CLYBL: variants seen among roughly 807,000 people sequenced by gnomAD.
CLYBL encodes citramalyl-CoA lyase, also known as citramalyl-CoA lyase, mitochondrial.
Under a neutral mutation model 38.9 loss-of-function variants are expected in CLYBL, and 31 were observed. The ratio of observed to expected loss-of-function variants is 0.80; its 90% CI spans 0.60 to 1.08. CLYBL has a LOEUF of 1.08. Ranked by LOEUF, CLYBL falls within the 50% of genes least tolerant of loss-of-function variation. The pLI is 0.00. For synonymous variants in CLYBL, 171 were observed against 158.6 expected (o/e 1.08, Z -0.59); for missense variants, 434 against 411.6 (o/e 1.05, Z -0.47).
At chr13:99,634,778 G>A (rs937878816) in intron 1 of CLYBL, among the ~76,000 whole-genome samples, 3 of 152,130 alleles carry the variant, frequency 2.0e-5, no homozygotes, top group Non-Finnish European at 2.9e-5. Context: ...GACAGAAATC[G>A]AGACATTGTA....
At chr13:99,703,258 C>A (rs1410571724) in intron 1 of CLYBL, among the ~76,000 whole-genome samples, 4 of 152,196 alleles carry the variant, frequency 2.6e-5, no homozygotes, top group African/African-American at 9.7e-5. Context: ...TCTCCATTGT[C>A]CCTTTTTAAA....
intron 1 of CLYBL, among the ~76,000 whole-genome samples, chr13:99,728,275 CTTTTCTTT>C (rs151133311): frequency 0.14 from 19,367 of 142,422 alleles, 1,659 homozygotes; most frequent in East Asian, 0.43. Context: ...TGTTTCTTTT[CTTTTCTTT>C]TTTTTTTTTT....
chr13:99,730,481 C>G (rs1160787887), intron 1 of CLYBL, among the ~76,000 whole-genome samples: 1 of 152,204 alleles, frequency 6.6e-6, no homozygotes, highest in Non-Finnish European at 1.5e-5. Context: ...CAGCTCCTGG[C>G]AGCACTTTCC....
intron 1 of CLYBL, among the ~76,000 whole-genome samples, chr13:99,723,435 T>C (rs1015492651): frequency 6.6e-6 from 1 of 152,238 alleles, no homozygotes; most frequent in African/African-American, 2.4e-5. Context: ...ATATTAAATG[T>C]TTACAAACAG....
intron 2 of CLYBL, among the ~76,000 whole-genome samples, chr13:99,824,257 G>GCCTCCCCCCCCCCCCC (rs2050646417): frequency 1.5e-5 from 2 of 130,414 alleles, no homozygotes; most frequent in Admixed American, 8.3e-5. Context: ...CTGACTAATA[G>GCCTCCCCCCCCCCCCC]CCCCCCCCAC....
chr13:99,800,574 C>T (rs1309728739), intron 2 of CLYBL, among the ~76,000 whole-genome samples: 1 of 152,174 alleles, frequency 6.6e-6, no homozygotes, highest in East Asian at 1.9e-4. Context: ...TCCCTTTTGG[C>T]TTAAGACATA....
chr13:99,908,830 C>T (rs1015751227), exon 10 of CLYBL, among the ~76,000 whole-genome samples: 6 of 152,162 alleles, frequency 3.9e-5, no homozygotes, highest in African/African-American at 1.4e-4. Context: ...GCCCCTAATA[C>T]ATTTTCACTG....
downstream of CLYBL, chr13:99,896,173 GCGGGCCGCC>G (rs2052575974): frequency 6.6e-6 from 1 of 151,604 alleles, no homozygotes; most frequent in Non-Finnish European, 1.5e-5. Context: ...CCCGCCCGCC[GCGGGCCGCC>G]CGGAGCCCGC....
At chr13:99,694,902 T>C (rs1364210323) in intron 1 of CLYBL, among the ~76,000 whole-genome samples, 1 of 152,118 alleles carries the variant, frequency 6.6e-6, no homozygotes, top group African/African-American at 2.4e-5. Context: ...CTTTTGAAAG[T>C]TGGGGGAAAG....
At chr13:99,672,007 C>CA (rs917788872) in intron 1 of CLYBL, among the ~76,000 whole-genome samples, 1 of 152,114 alleles carries the variant, frequency 6.6e-6, no homozygotes, top group Non-Finnish European at 1.5e-5. Context: ...GCAGGCACTA[C>CA]AGGCCTTCTG....
At chr13:99,745,391 G>A (rs2048830835) in intron 1 of CLYBL, among the ~76,000 whole-genome samples, 1 of 152,154 alleles carries the variant, frequency 6.6e-6, no homozygotes, top group African/African-American at 2.4e-5. Context: ...TTGGCAGGGA[G>A]CTGAAAATAA....
chr13:99,812,415 TAC>T (rs2050360781), intron 2 of CLYBL, among the ~76,000 whole-genome samples: 1 of 152,150 alleles, frequency 6.6e-6, no homozygotes. Flanking sequence ...GTAGTCTGAG[TAC>T]AGTTTCCAAT....
chr13:99,733,441 G>GAACTT (rs1264576174), intron 1 of CLYBL, among the ~76,000 whole-genome samples: 4 of 152,188 alleles, frequency 2.6e-5, no homozygotes, highest in African/African-American at 9.7e-5. Context: ...ATTATTGCCT[G>GAACTT]AACTTCCTTT....
intron 1 of CLYBL, among the ~76,000 whole-genome samples, chr13:99,759,891 A>G (rs1445619417): frequency 1.3e-5 from 2 of 152,330 alleles, no homozygotes; most frequent in African/African-American, 4.8e-5. Context: ...CAGCAATTTC[A>G]TATAGTTCAG....
intron 7 of CLYBL, among the ~76,000 whole-genome samples, chr13:99,881,056 T>C (rs927595): frequency 0.99 from 151,502 of 152,308 alleles, 75,355 homozygotes; most frequent in East Asian, 1. Context: ...GCAACATGAA[T>C]GCCACCCCAT....
chr13:99,646,740 G>A (rs1157494522), intron 1 of CLYBL, among the ~76,000 whole-genome samples: 1 of 147,908 alleles, frequency 6.8e-6, no homozygotes, highest in Non-Finnish European at 1.5e-5. Flanking sequence ...TGGCCAGGTT[G>A]GTATTAAACT....
chr13:99,744,548 A>G (rs1169893195), intron 1 of CLYBL, among the ~76,000 whole-genome samples: 3 of 152,088 alleles, frequency 2.0e-5, no homozygotes, highest in African/African-American at 4.8e-5. Flanking sequence ...GGGATGTGCC[A>G]CCCCAGACCT....
intron 2 of CLYBL, among the ~76,000 whole-genome samples, chr13:99,801,212 G>A (rs1014613319): frequency 6.6e-6 from 1 of 152,202 alleles, no homozygotes; most frequent in African/African-American, 2.4e-5. Flanking sequence ...CTCAAGCTGT[G>A]AGGAACGTTT....
At chr13:99,777,682 G>A (rs985430473) in intron 2 of CLYBL, among the ~76,000 whole-genome samples, 15 of 151,726 alleles carry the variant, frequency 9.9e-5, no homozygotes, top group African/African-American at 3.6e-4. Context: ...TAGTAGAGAC[G>A]GGGTTTCATC....
Sources: allele counts gnomAD v4.1 joint callset (sites outside exome capture counted in the v4.1 genomes callset), GRCh38; gene constraint gnomAD v4.1.1; transcripts MANE v1.5; gene names NCBI Gene and HGNC (gene_info 2026-07-23, HGNC 2026-07-21).